DNAH12: variants seen among roughly 807,000 people sequenced by gnomAD.
The protein encoded by DNAH12 is dynein axonemal heavy chain 12, also known as axonemal beta dynein heavy chain 12.
In DNAH12, 285 loss-of-function variants were observed where a neutral mutation model predicts 371.5. The ratio of observed to expected loss-of-function variants is 0.77; its 90% CI spans 0.70 to 0.85. The LOEUF (loss-of-function observed/expected upper bound fraction) is 0.85, where lower values mean the gene tolerates loss of function less well. Among genes scored for constraint, DNAH12 ranks in the 40% least tolerant of loss-of-function variants. DNAH12 has a pLI of 0.00. For missense variants in DNAH12, 3,611 were observed against 3,689.4 expected (o/e 0.98, Z 0.55); for synonymous variants, 1,200 against 1,213.0 (o/e 0.99, Z 0.22).
Position 57,426,785 on chromosome 3 carries a change from T to G in DNAH12, c.5254-1644A>C, listed in dbSNP as rs1426590468. 1.7e-4 allele frequency among the ~76,000 whole-genome samples: 23 copies of G among 138,432 alleles called. No homozygotes were observed. The Admixed American group carries it at 1.7e-3, about 10-fold the overall frequency. 90.8% of individuals were successfully genotyped at this position (138,432 alleles called of 152,430 possible). ...AATCACTTGAACCTGAAAGGTGGAGTGCCACTGCACTCCAGCCTGGGAGAT... is the reference window on the plus strand; with the variant it reads ...AATCACTTGAACCTGAAAGGTGGAGGGCCACTGCACTCCAGCCTGGGAGAT... On this transcript the variant is annotated intron_variant, in intron 34 of 73. Coordinates refer to ENST00000495027, the MANE Select transcript of DNAH12 (RefSeq NM_001366028.2).
intron 17 of DNAH12, among the ~76,000 whole-genome samples, chr3:57,463,323 T>C (rs910556602): frequency 2.6e-5 from 4 of 151,890 alleles, no homozygotes; most frequent in Admixed American, 2.0e-4. Flanking sequence ...ATTCATTATA[T>C]ATACTATTTG....
intron 26 of DNAH12, 36 bp from the exon 27 acceptor site, chr3:57,446,306 C>A: frequency 6.5e-7 from 1 of 1,535,908 alleles, no homozygotes; most frequent in South Asian, 1.2e-5. Flanking sequence ...ATTTTTTTCT[C>A]AGGAAAGGAT....
chr3:57,354,644 A>G (rs2062756929), intron 59 of DNAH12, among the ~76,000 whole-genome samples: 2 of 152,110 alleles, frequency 1.3e-5, no homozygotes, highest in African/African-American at 2.4e-5. Flanking sequence ...AAAAATTTCT[A>G]TTCACAAATA....
the DNAH12 span, among the ~76,000 whole-genome samples, chr3:57,555,240 C>T: frequency 6.6e-6 from 1 of 151,404 alleles, no homozygotes; most frequent in Non-Finnish European, 1.5e-5. Context: ...CAAGGCCCTA[C>T]CTAAAAAATA....
chr3:57,342,484 C>CAA (rs71088060), intron 60 of DNAH12, among the ~76,000 whole-genome samples: 18,639 of 65,924 alleles, frequency 0.28, 3,212 homozygotes, highest in Non-Finnish European at 0.37. Context: ...ACTAAAAATA[C>CAA]AAAAAAAAAA....
chr3:57,383,346 A>G (rs2063434640), intron 49 of DNAH12, among the ~76,000 whole-genome samples: 1 of 152,178 alleles, frequency 6.6e-6, no homozygotes, highest in African/African-American at 2.4e-5. Flanking sequence ...CAGACTCTCA[A>G]TGAAAGGGGA....
chr3:57,361,866 A>AT (rs1428930922), intron 58 of DNAH12, among the ~76,000 whole-genome samples: 4 of 151,986 alleles, frequency 2.6e-5, no homozygotes, highest in East Asian at 3.9e-4. Context: ...CCTTTCCAAT[A>AT]TTTTTTTAAA....
At chr3:57,368,422 G>GTT (rs1187137314) in intron 55 of DNAH12, among the ~76,000 whole-genome samples, 162 bp from the exon 56 acceptor site, 2 of 147,428 alleles carry the variant, frequency 1.4e-5, no homozygotes, top group Admixed American at 6.8e-5. Flanking sequence ...ATGAAAAGGA[G>GTT]TTTTTTTTTT....
intron 22 of DNAH12, 150 bp downstream of exon 22, chr3:57,457,571 G>T: frequency 2.3e-6 from 2 of 882,364 alleles, no homozygotes; most frequent in Middle Eastern, 3.0e-4. Context: ...TAGCAATATT[G>T]TTATATTAAT....
In DNAH12 at chr3:57,310,896, C is replaced by G; in HGVS notation, c.10717G>C (p.Gly3573Arg). Reference protein sequence around the residue: ...IPFEAISYLTGECNYGGRVTD... With the variant: ...IPFEAISYLTRECNYGGRVTD... ...ACTCTTCCTCCATAATTACACTCCC[C>G]AGTCAGGTAAGATATAGCTTCAAAT... The change falls in exon 67 of 74, where the codon GGG becomes CGG. Residue 3573 changes from glycine to arginine, a missense_variant. By Grantham distance (125) the Gly-to-Arg change is moderately radical. Around this residue, in one of 3 missense-constraint regions of DNAH12, gnomAD observed 2,266 missense variants for 2,236.9 expected, o/e 1.01. Coordinates refer to ENST00000495027, the MANE Select transcript of DNAH12 (RefSeq NM_001366028.2). 19 of 1,551,576 alleles carry G rather than the reference C, an allele frequency of 1.2e-5. No individual in the cohort carries two copies. Among genetic ancestry groups the G allele is most frequent in the Non-Finnish European group, 1.7e-5 (19 of 1,146,898 alleles).
In DNAH12 at chr3:57,352,217, G is replaced by A; in HGVS notation, c.9542C>T (p.Ser3181Phe). ...TCGTAGGCGCTTTTCCAAAATCTTG[G>A]ATTTGTTACTAAAGTTAAAAAGAAG... ...YINSIHDSNKSKILEKRLRYL... is the reference protein window; with the variant it reads ...YINSIHDSNKFKILEKRLRYL... The change falls in exon 60 of 74, where the codon TCC becomes TTC. Residue 3181 changes from serine (S) to phenylalanine (F), a missense_variant. This residue lies in a region of DNAH12 where 2,266 missense variants were observed against 2,236.9 expected (regional missense o/e 1.01). Transcript: ENST00000495027. 6.5e-7 allele frequency: 1 copy of A among 1,529,482 alleles called. No individual in the cohort carries two copies. The highest frequency in any genetic ancestry group is 1.3e-5 in the South Asian group (1 of 77,866). 94.7% of individuals were successfully genotyped at this position (1,529,482 alleles called of 1,614,324 possible). A position where few individuals can be genotyped will look rare whatever the true frequency, so the allele number is the denominator to read the frequency against.
intron 60 of DNAH12, among the ~76,000 whole-genome samples, chr3:57,341,461 A>G (rs562734546): frequency 6.6e-6 from 1 of 152,308 alleles, no homozygotes; most frequent in Non-Finnish European, 1.5e-5. Context: ...ACAATGAACT[A>G]GCTGGAAAAG....
rs1400126218 is a variant in DNAH12, at chr3:57,523,804, G to C, written c.251C>G (p.Thr84Ser). 1 of 1,597,604 alleles carries C rather than the reference G, an allele frequency of 6.3e-7. No homozygotes were observed. The highest frequency in any genetic ancestry group is 2.2e-5 in the East Asian group (1 of 44,502). Residue 84 changes from threonine to serine, a missense_variant and splice_region_variant, in exon 3 of 74, where the codon ACT (threonine) becomes AGT (serine). Physicochemically the swap from Thr to Ser is moderately conservative, Grantham distance 58 (BLOSUM62 1). This residue lies in a region of DNAH12 where 1,314 missense variants were observed against 1,398.7 expected (regional missense o/e 0.94). Transcript: ENST00000495027. ...TTTAACGAGAAAACATAAACTTACA[G>C]TTTGAGGATAATCAGGTGGTGGTAA... Reference protein sequence around the residue: ...PLLPPPDYPQTMTSEMKKKGF... With the variant: ...PLLPPPDYPQSMTSEMKKKGF...
At position 57,433,504 on chromosome 3, in the gene DNAH12, TC is replaced by T; in HGVS notation, c.4842del (p.Trp1614Ter). 6.5e-7 allele frequency: 1 copy of T among 1,547,800 alleles called. No homozygotes were observed. The highest frequency in any genetic ancestry group is 8.7e-7 in the Non-Finnish European group (1 of 1,146,130). Reference protein sequence around the residue: ...FGQFDPVSHEWTDGIVANTFR... With the variant: ...FGQFDPVSHEXTDGIVANTFR... Reference sequence around the variant, plus strand: ...AAAGTGTTAGCCACAATACCATCAGTCCACTGAGGAGGAAAAAAAAGAATTA... The same window carrying T: ...AAAGTGTTAGCCACAATACCATCAGTCACTGAGGAGGAAAAAAAAGAATTA... On this transcript the variant is annotated frameshift_variant and splice_region_variant, in exon 32 of 74. Transcript: ENST00000495027. LOFTEE classifies it high-confidence loss of function.
chr3:57,430,182 T>TAC (rs1172744266), intron 32 of DNAH12, among the ~76,000 whole-genome samples: 1 of 152,198 alleles, frequency 6.6e-6, no homozygotes, highest in Admixed American at 6.5e-5. Context: ...CGTACTCTTA[T>TAC]ACCCAGCTCA....
intron 4 of DNAH12, among the ~76,000 whole-genome samples, chr3:57,514,713 G>A (rs183025582): frequency 1.3e-5 from 2 of 152,158 alleles, no homozygotes; most frequent in African/African-American, 4.8e-5. Context: ...ATGAATGAGG[G>A]AGAAAAGAAA....
chr3:57,481,116 G>A, intron 13 of DNAH12, among the ~76,000 whole-genome samples: 1 of 152,316 alleles, frequency 6.6e-6, no homozygotes, highest in Non-Finnish European at 1.5e-5. Context: ...GTTAGGAAAA[G>A]AGGAAGTCAA....
At chr3:57,522,452 T>C (rs939759178) in intron 4 of DNAH12, among the ~76,000 whole-genome samples, 2 of 152,192 alleles carry the variant, frequency 1.3e-5, no homozygotes, top group Admixed American at 6.5e-5. Flanking sequence ...TATTTATTAA[T>C]GTTTTGGGAA....
At chr3:57,471,080 TAC>T (rs1318449023) in intron 15 of DNAH12, among the ~76,000 whole-genome samples, 1 of 151,914 alleles carries the variant, frequency 6.6e-6, no homozygotes, top group African/African-American at 2.4e-5. Context: ...ATGTCTACTC[TAC>T]AAATAGAGAA....
Sources: allele counts gnomAD v4.1 joint callset (sites outside exome capture counted in the v4.1 genomes callset), GRCh38; gene constraint gnomAD v4.1.1; regional missense constraint gnomAD v4.1.1; transcripts MANE v1.5; gene names NCBI Gene and HGNC (gene_info 2026-07-23, HGNC 2026-07-21).